The following RBFOX1 variants were observed in gnomAD, a reference collection of about 807,000 sequenced individuals.
The protein encoded by RBFOX1 is RNA binding fox-1 homolog 1, also known as RNA binding protein fox-1 homolog 1.
RBFOX1 carries 8 observed loss-of-function variants against 57.7 expected under a neutral mutation model. The observed-to-expected ratio is 0.14, with a 90% confidence interval of 0.08 to 0.25. The LOEUF (loss-of-function observed/expected upper bound fraction) is 0.25. RBFOX1 is among the 10% of genes least tolerant of loss of function. The probability of loss-of-function intolerance (pLI) is 1.00; values close to 1 mark genes in which losing one functional copy is unlikely to be tolerated. For missense variants in RBFOX1, 611 were observed against 548.5 expected (o/e 1.11, Z -1.14); for synonymous variants, 326 against 222.4 (o/e 1.47, Z -4.15).
intron 4 of RBFOX1, among the ~76,000 whole-genome samples, chr16:7,098,666 T>A (rs1171066012): frequency 6.6e-6 from 1 of 152,102 alleles, no homozygotes; most frequent in African/African-American, 2.4e-5. Context: ...ATAGTGATGA[T>A]CTTGGCTGGG....
rs957083625 is a variant in RBFOX1, at chr16:5,663,336, T to G, written c.318+64375T>G. 1.2e-4 allele frequency among the ~76,000 whole-genome samples: 19 copies of G among 152,036 alleles called. 1 individual carries two copies. The highest frequency in any genetic ancestry group is 4.6e-4 in the African/African-American group (19 of 41,394). On this transcript the variant is annotated intron_variant, in intron 3 of 19. Coordinates refer to the RBFOX1 transcript ENST00000641259. The stretch of plus-strand genomic sequence containing the variant: ...AGAGGTCTTTCCATTTCCCAGGTAG[T>G]TGAGACCACAGGCACATGCCACCAT...
intron 1 of RBFOX1, among the ~76,000 whole-genome samples, chr16:6,172,351 CAG>C (rs1009511862): frequency 6.6e-6 from 1 of 152,170 alleles, no homozygotes; most frequent in African/African-American, 2.4e-5. Context: ...GTAAGGGAAA[CAG>C]AGGAAACTGA....
intron 3 of RBFOX1, among the ~76,000 whole-genome samples, chr16:6,778,865 T>G (rs1053894765): frequency 9.0e-6 from 1 of 111,382 alleles, no homozygotes; most frequent in African/African-American, 3.2e-5. Context: ...CACACTCTAG[T>G]TTTTTTTTTA....
At chr16:6,127,006 C>T (rs1162271772) in intron 1 of RBFOX1, among the ~76,000 whole-genome samples, 2 of 152,096 alleles carry the variant, frequency 1.3e-5, no homozygotes, top group Non-Finnish European at 2.9e-5. Flanking sequence ...GGGGAAGGCT[C>T]TCTGAAAAGA....
chr16:7,384,196 A>AAT (rs1274492997), intron 4 of RBFOX1, among the ~76,000 whole-genome samples: 1 of 151,600 alleles, frequency 6.6e-6, no homozygotes, highest in Admixed American at 6.6e-5. Flanking sequence ...ACATATATGA[A>AAT]ATATATATGA....
At chr16:5,336,774 C>T (rs910489296) in intron 1 of RBFOX1, among the ~76,000 whole-genome samples, 1 of 152,206 alleles carries the variant, frequency 6.6e-6, no homozygotes, top group African/African-American at 2.4e-5. Context: ...TTCTGGTGAG[C>T]TCCTGGGCTA....
intron 3 of RBFOX1, among the ~76,000 whole-genome samples, chr16:6,703,557 A>T (rs780263064): frequency 7.2e-5 from 11 of 152,146 alleles, no homozygotes; most frequent in Non-Finnish European, 1.5e-4. Context: ...AAATAAAAAT[A>T]AAAAAAGCCT....
chr16:6,336,007 A>G (rs1429520616), intron 2 of RBFOX1, among the ~76,000 whole-genome samples: 2 of 149,496 alleles, frequency 1.3e-5, no homozygotes, highest in Non-Finnish European at 3.0e-5. Flanking sequence ...TCAAGCCTCC[A>G]TCTTTGACCT....
intron 5 of RBFOX1, among the ~76,000 whole-genome samples, chr16:7,567,407 C>CTATA (rs374399963): frequency 5.8e-5 from 4 of 69,108 alleles, no homozygotes; most frequent in Non-Finnish European, 1.3e-4. Flanking sequence ...ATATATATCC[C>CTATA]TATATATATA....
At chr16:6,017,942 G>T (rs1040676810), upstream of RBFOX1, among the ~76,000 whole-genome samples, 1 of 152,244 alleles carries the variant, frequency 6.6e-6, no homozygotes, top group Non-Finnish European at 1.5e-5. Context: ...AAATGAACAG[G>T]CGCCTCAGAT....
intron 4 of RBFOX1, among the ~76,000 whole-genome samples, chr16:5,904,766 A>G (rs959380160): frequency 7.3e-5 from 11 of 151,678 alleles, no homozygotes; most frequent in Non-Finnish European, 1.3e-4. Flanking sequence ...TCACGAGGTC[A>G]GGAGATCAAG....
chr16:7,292,719 A>G (rs541513474), intron 4 of RBFOX1, among the ~76,000 whole-genome samples: 1 of 152,058 alleles, frequency 6.6e-6, no homozygotes, highest in East Asian at 1.9e-4. Context: ...GGACATATAT[A>G]GTCTTTTTCT....
chr16:6,820,130 G>C (rs2091007926), intron 3 of RBFOX1, among the ~76,000 whole-genome samples: 1 of 152,052 alleles, frequency 6.6e-6, no homozygotes, highest in South Asian at 2.1e-4. Context: ...GTTTTATAAA[G>C]GACACACTGT....
intron 4 of RBFOX1, among the ~76,000 whole-genome samples, chr16:7,449,052 C>T (rs893985993): frequency 6.7e-6 from 1 of 149,478 alleles, no homozygotes. Flanking sequence ...GCGTCAGTCT[C>T]CGGAGTAGCT....
At chr16:7,615,656 C>G (rs984192662) in intron 10 of RBFOX1, among the ~76,000 whole-genome samples, 1 of 152,032 alleles carries the variant, frequency 6.6e-6, no homozygotes, top group South Asian at 2.1e-4. Context: ...TATGGAGTGA[C>G]CTTTCTCTTA....
chr16:5,585,543 A>G (rs926667300), intron 2 of RBFOX1, among the ~76,000 whole-genome samples: 14 of 152,232 alleles, frequency 9.2e-5, no homozygotes, highest in African/African-American at 2.9e-4. Context: ...CTGTGTCTTG[A>G]TTGACTTACC....
At chr16:6,672,549 AAAG>A (rs368979803) in intron 3 of RBFOX1, among the ~76,000 whole-genome samples, 8 of 141,858 alleles carry the variant, frequency 5.6e-5, no homozygotes, top group African/African-American at 2.2e-4. Context: ...AGGAGAAAGA[AAAG>A]AAAAGAAAAG....
chr16:6,673,113 A>G (rs1298638635), intron 3 of RBFOX1, among the ~76,000 whole-genome samples: 1 of 152,224 alleles, frequency 6.6e-6, no homozygotes, highest in East Asian at 1.9e-4. Flanking sequence ...ACACTTGCTT[A>G]TAGCAGACAG....
Position 6,922,962 on chromosome 16 carries a change from C to A in RBFOX1, c.-15-129095C>A, listed in dbSNP as rs76202200. On this transcript the variant is annotated intron_variant, in intron 3 of 15. Transcript: ENST00000550418. The stretch of plus-strand genomic sequence containing the variant: ...ATGACCAACCAGAACATATCCAAAT[C>A]AGATGATGTAAGGTGCCTTTAATAC... 4.3e-3 allele frequency among the ~76,000 whole-genome samples: 652 copies of A among 152,286 alleles called. 19 individuals are homozygous for A. Among genetic ancestry groups the A allele is most frequent in the East Asian group, 0.035 (180 of 5,174 alleles).
Sources: allele counts gnomAD v4.1 joint callset (sites outside exome capture counted in the v4.1 genomes callset), GRCh38; gene constraint gnomAD v4.1.1; transcripts MANE v1.5; gene names NCBI Gene and HGNC (gene_info 2026-07-23, HGNC 2026-07-21).